The following CUX1 variants were observed in gnomAD, a reference collection of about 807,000 sequenced individuals.
The protein encoded by CUX1 is protein CASP.
In CUX1, 31 loss-of-function variants were observed where a neutral mutation model predicts 158.8. The ratio of observed to expected loss-of-function variants is 0.20; its 90% CI spans 0.15 to 0.26. The LOEUF (loss-of-function observed/expected upper bound fraction) is 0.26, where lower values mean the gene tolerates loss of function less well. CUX1 is among the 10% of genes least tolerant of loss of function. CUX1 has a pLI of 1.00. For missense variants in CUX1, 1,589 were observed against 2,014.6 expected (o/e 0.79, Z 4.04); for synonymous variants, 879 against 862.1 (o/e 1.02, Z -0.34).
At chr7:102,028,313 A>G (rs1209702292) in intron 3 of CUX1, among the ~76,000 whole-genome samples, 168 bp downstream of exon 3, 2 of 152,150 alleles carry the variant, frequency 1.3e-5, no homozygotes, top group African/African-American at 4.8e-5. Context: ...GTGATTTTCC[A>G]TTGGGTCCTT....
intron 3 of CUX1, among the ~76,000 whole-genome samples, chr7:102,058,399 G>A (rs1339853137): frequency 1.3e-5 from 2 of 151,804 alleles, no homozygotes. Flanking sequence ...TCAGCCTCCC[G>A]AGTAGCTGGA....
At chr7:101,910,250 G>A (rs1475238118) in intron 1 of CUX1, among the ~76,000 whole-genome samples, 2 of 152,062 alleles carry the variant, frequency 1.3e-5, no homozygotes, top group Non-Finnish European at 2.9e-5. Flanking sequence ...GGGCTCAAAC[G>A]ATCCTCCCGC....
At chr7:102,004,906 G>T (rs1817141724) in intron 2 of CUX1, among the ~76,000 whole-genome samples, 1 of 152,260 alleles carries the variant, frequency 6.6e-6, no homozygotes, top group African/African-American at 2.4e-5. Context: ...AGGATATCAT[G>T]TAGGCACTTA....
At chr7:101,907,831 A>T (rs1334814848) in intron 1 of CUX1, among the ~76,000 whole-genome samples, 1 of 152,076 alleles carries the variant, frequency 6.6e-6, no homozygotes, top group Non-Finnish European at 1.5e-5. Flanking sequence ...TAAAATATCA[A>T]TGTTTAGCCA....
rs781943796 is a variant in CUX1, at chr7:102,201,391, C to T, written c.2094C>T (p.Gly698=). 3 of 1,613,890 alleles carry T rather than the reference C, an allele frequency of 1.9e-6. No individual in the cohort carries two copies. Among genetic ancestry groups the T allele is most frequent in the Non-Finnish European group, 2.5e-6 (3 of 1,179,980 alleles). ...AEPAQPSSAS[G]SGNSDDAIRS... is the part of the protein sequence containing the mutation. ...CGGCCCAGCCTTCCTCCGCATCCGG[C>T]AGCGGGAACTCTGATGACGCCATCC... Residue 698 remains glycine (G), a synonymous_variant, in exon 18 of 24, where the codon GGC becomes GGT. Transcript: ENST00000292535. This position sits in a 1 kb window ranked among gnomAD's most constrained non-coding sequence, Gnocchi z 5.0.
At position 102,097,347 on chromosome 7, in the gene CUX1, G is replaced by C. The variant is rs1554484550; in HGVS notation, c.269-17G>C. ...TTGCTGGCCGAGTGGGGTGATGGCT[G>C]TTTTCCTGTTGTGCAGATCCCGTAC... On this transcript the variant is annotated splice_polypyrimidine_tract_variant and intron_variant, in intron 4 of 23. Coordinates refer to ENST00000292535, the MANE Select transcript of CUX1 (RefSeq NM_181552.4). 3.8e-6 allele frequency: 6 copies of C among 1,599,190 alleles called. No homozygotes were observed. The highest frequency in any genetic ancestry group is 1.4e-5 in the African/African-American group (1 of 73,994).
rs71123016 is a variant in CUX1 at position 102,222,811 on chromosome 7, C to CTT, written c.3131-4531_3131-4530dup. Among the ~76,000 whole-genome samples, 113 of 25,514 alleles carry CTT rather than the reference C, an allele frequency of 4.4e-3. 26 individuals are homozygous for CTT. The highest frequency in any genetic ancestry group is 7.2e-3 in the Admixed American group (9 of 1,244). 16.7% of individuals were successfully genotyped at this position (25,514 alleles called of 152,430 possible). On this transcript the variant is annotated intron_variant, in intron 20 of 23. Coordinates refer to ENST00000292535, the MANE Select transcript of CUX1 (RefSeq NM_181552.4). ...GGCTGTGTGTCTCGGGGCACCGTAT[C>CTT]TTTTTTTTTTTTTTTTTTTTTTTTT...
chr7:102,259,492 G>A (rs1554543079), downstream of CUX1, among the ~76,000 whole-genome samples: 2 of 152,164 alleles, frequency 1.3e-5, no homozygotes, highest in African/African-American at 4.8e-5. Flanking sequence ...GGAGGCTGAG[G>A]CAGGAGAATT....
intron 1 of CUX1, among the ~76,000 whole-genome samples, chr7:101,830,309 A>G (rs1394762768): frequency 6.6e-6 from 1 of 152,168 alleles, no homozygotes; most frequent in Non-Finnish European, 1.5e-5. Flanking sequence ...TGTGTTTTCT[A>G]AGAGACTGAT....
At chr7:101,838,186 G>T (rs928244255) in intron 1 of CUX1, among the ~76,000 whole-genome samples, 8 of 150,930 alleles carry the variant, frequency 5.3e-5, no homozygotes, top group Non-Finnish European at 1.2e-4. Flanking sequence ...CTGGAGTGCA[G>T]TGGCACAATC....
rs546846196 is a variant in CUX1 at position 101,973,770 on chromosome 7, C to CTT, written c.142-54313_142-54312dup. 3.6e-3 allele frequency among the ~76,000 whole-genome samples: 493 copies of CTT among 137,360 alleles called. 2 individuals are homozygous for CTT. Among genetic ancestry groups the CTT allele is most frequent in the Admixed American group, 6.1e-3 (82 of 13,504 alleles). 90.1% of individuals were successfully genotyped at this position (137,360 alleles called of 152,430 possible). A position where few individuals can be genotyped will look rare whatever the true frequency, so the allele number is the denominator to read the frequency against. On this transcript the variant is annotated intron_variant, in intron 2 of 23. Coordinates refer to ENST00000292535, the MANE Select transcript of CUX1 (RefSeq NM_181552.4). ...CCAGATTCTTTTTCTTTTTCTTTTT[C>CTT]TTTTTTTTTTTTTTTTGAGACGGAG...
At chr7:101,876,485 A>T (rs551534480) in intron 1 of CUX1, among the ~76,000 whole-genome samples, 22 of 152,056 alleles carry the variant, frequency 1.4e-4, no homozygotes, top group African/African-American at 5.3e-4. Context: ...TCACGAGATC[A>T]GGAGATCGAG....
chr7:101,841,850 A>C (rs1795224113), intron 1 of CUX1, among the ~76,000 whole-genome samples: 1 of 151,096 alleles, frequency 6.6e-6, no homozygotes, highest in Non-Finnish European at 1.5e-5. Context: ...ATGAGCCACC[A>C]CTCCTGGCCT....
At chr7:101,819,190 C>G (rs534938659) in intron 1 of CUX1, among the ~76,000 whole-genome samples, 3 of 152,320 alleles carry the variant, frequency 2.0e-5, no homozygotes, top group African/African-American at 7.2e-5. Flanking sequence ...ACTAGTTGGA[C>G]AAGTTTTTTA....
intron 1 of CUX1, among the ~76,000 whole-genome samples, chr7:101,905,509 T>C (rs187087733): frequency 6.6e-6 from 1 of 152,198 alleles, no homozygotes; most frequent in Non-Finnish European, 1.5e-5. Context: ...GCTGGTCCCT[T>C]GGATCAGAAA....
At chr7:102,215,513 C>T (rs1796963993) in intron 20 of CUX1, among the ~76,000 whole-genome samples, 1 of 152,036 alleles carries the variant, frequency 6.6e-6, no homozygotes, top group Non-Finnish European at 1.5e-5. Context: ...ACGTGAGCAC[C>T]GAAGCGGGAA....
intron 4 of CUX1, among the ~76,000 whole-genome samples, chr7:102,087,975 T>G (rs1318582791): frequency 1.3e-5 from 2 of 151,114 alleles, no homozygotes. Flanking sequence ...TTCATTCATC[T>G]GGGGAAAAAA....
chr7:102,180,991 G>C (rs1793025018), intron 11 of CUX1, among the ~76,000 whole-genome samples: 2 of 150,856 alleles, frequency 1.3e-5, no homozygotes, highest in African/African-American at 2.4e-5. Flanking sequence ...GCCCAGGCTA[G>C]GGTGCGATGG....
chr7:101,924,017 G>A (rs1015923985), intron 2 of CUX1, among the ~76,000 whole-genome samples: 6 of 152,216 alleles, frequency 3.9e-5, no homozygotes, highest in African/African-American at 1.2e-4. Flanking sequence ...TTTTACCATC[G>A]TTGAAATTGG....
Sources: gnomAD v4.1 joint callset for allele counts (sites outside exome capture counted in the v4.1 genomes callset) on GRCh38, gnomAD v4.1.1 for gene constraint, Gnocchi (gnomAD v3.1) non-coding constraint, MANE v1.5 for transcripts, NCBI Gene and HGNC (gene_info 2026-07-23, HGNC 2026-07-21) for gene names.